The following ITGA7 variants were observed in gnomAD, a reference collection of about 807,000 sequenced individuals.
ITGA7 encodes integrin alpha-7.
In ITGA7, 84 loss-of-function variants were observed where a neutral mutation model predicts 131.6. The ratio of observed to expected loss-of-function variants is 0.64; its 90% CI spans 0.54 to 0.77. The LOEUF is 0.77. ITGA7 is among the 30% of genes least tolerant of loss of function. ITGA7 has a pLI of 0.00. For missense variants in ITGA7, 1,399 were observed against 1,482.9 expected, an observed-to-expected ratio of 0.94 and a Z score of 0.93; for synonymous variants, 548 against 600.7, an observed-to-expected ratio of 0.91 and a Z score of 1.28.
At chr12:55,700,729 A>AC (rs1873804574) in intron 4 of ITGA7, 170 bp downstream of exon 4, 2 of 854,606 alleles carry the variant, frequency 2.3e-6, no homozygotes, top group Admixed American at 2.5e-5. Flanking sequence ...GAAAGGAGGC[A>AC]CCCCCCATTC....
chr12:55,685,147 G>A lies in ITGA7; in HGVS notation c.3325C>T (p.Arg1109Trp), dbSNP rs117803261. The A allele has an allele frequency of 3.6e-5, 58 of 1,613,768 alleles. No individual in the cohort carries two copies. In the East Asian group the frequency reaches 8.2e-4, roughly 23 times the overall value. The change falls in exon 25 of 25, where the codon CGG becomes TGG. Residue 1109 changes from arginine (R) to tryptophan (W), a missense_variant. Arg to Trp is a moderately radical substitution (Grantham distance 101). Coordinates refer to ENST00000257879, the MANE Select transcript of ITGA7 (RefSeq NM_002206.3). ...ATGGGGTGTGCATCCGGGCCCTCCC[G>A]CCGGGGGCTGCCCCAGTTGTTCCTC... ...ILRNNWGSPR[R>W]EGPDAHPILA...
chr12:55,687,724 A>G (rs1025289313), intron 24 of ITGA7, among the ~76,000 whole-genome samples: 2 of 152,048 alleles, frequency 1.3e-5, no homozygotes, highest in African/African-American at 4.8e-5. Flanking sequence ...TCCTGACCTC[A>G]AGTGATCCAC....
intron 21 of ITGA7, among the ~76,000 whole-genome samples, chr12:55,689,330 T>G (rs1285507072): frequency 1.3e-5 from 2 of 152,176 alleles, no homozygotes; most frequent in African/African-American, 4.8e-5. Flanking sequence ...AGGAAGAAAC[T>G]GAGGAGGCCC....
intron 5 of ITGA7, 36 bp downstream of exon 5, chr12:55,699,834 A>G: frequency 6.3e-7 from 1 of 1,582,076 alleles, no homozygotes; most frequent in South Asian, 1.2e-5. Flanking sequence ...AGGCTGGGCC[A>G]TGCCCCTAGA....
Position 55,707,485 on chromosome 12 carries a change from G to A in ITGA7, c.198C>T (p.Pro66=). ...CGGGTGCGGTGACTCACCAGCTCTG[G>A]GGTCGGGGCTGCAACTGCCGGTGCA... ...VALHRQLQPR[P]QSWLLVGAPQ... is the part of the protein sequence containing the mutation. The change falls in exon 1 of 25, where the codon CCC becomes CCT. Residue 66 remains proline (P), a synonymous_variant. Transcript: ENST00000257879. The A allele has an allele frequency of 1.2e-6, 2 of 1,613,400 alleles. No homozygotes were observed. Among genetic ancestry groups the A allele is most frequent in the Non-Finnish European group, 1.7e-6 (2 of 1,179,676 alleles).
chr12:55,707,686 A>C lies in ITGA7; in HGVS notation c.-4T>G, dbSNP rs1195187898. The C allele has an allele frequency of 2.6e-6, 4 of 1,567,472 alleles. No homozygotes were observed. In the Admixed American group the frequency reaches 7.6e-5, roughly 30 times the overall value. ...CGCGGCTCCGAGCCCCGGCCATGGGACGATCCCTGCGCGAGCTCCCAGCGA... is the reference window on the plus strand; with the variant it reads ...CGCGGCTCCGAGCCCCGGCCATGGGCCGATCCCTGCGCGAGCTCCCAGCGA... On this transcript the variant is annotated 5_prime_UTR_variant, in exon 1 of 25. Transcript: ENST00000257879.
At position 55,696,295 on chromosome 12, in the gene ITGA7, G is replaced by A; in HGVS notation, c.1875C>T (p.Thr625=). ...AACCCATGCTCACCTCTGCCCGCTG[G>A]GTGCTGGGCTGGTGGGCATTGAGGA... ...APILNAHQPS[T]QRAEIHFLKQ... The change falls in exon 13 of 25, where the codon ACC becomes ACT. Residue 625 remains threonine (T), a synonymous_variant. Transcript: ENST00000257879. 6.3e-7 allele frequency: 1 copy of A among 1,575,966 alleles called. No individual in the cohort carries two copies. Among genetic ancestry groups the A allele is most frequent in the Non-Finnish European group, 8.6e-7 (1 of 1,160,184 alleles).
chr12:55,695,128 C>T lies in ITGA7; in HGVS notation c.2004-158G>A, dbSNP rs4143553. On this transcript the variant is annotated intron_variant, in intron 14 of 24. Coordinates refer to ENST00000257879, the MANE Select transcript of ITGA7 (RefSeq NM_002206.3). ...TCCAAGCCTCAGGCCTCTGTACACA[C>T]GACTGGGAGTCAGGGGACCTCCGTT... 378,674 of 697,126 alleles carry T rather than the reference C, an allele frequency of 0.54. 109,618 individuals carry two copies. Among genetic ancestry groups the T allele is most frequent in the East Asian group, 0.93 (34,509 of 36,946 alleles). 43.2% of individuals were successfully genotyped at this position (697,126 alleles called of 1,614,324 possible). A position where few individuals can be genotyped will look rare whatever the true frequency, so the allele number is the denominator to read the frequency against.
At chr12:55,701,394 T>A in intron 3 of ITGA7, 1 of 1,551,878 alleles carries the variant, frequency 6.4e-7, no homozygotes, top group East Asian at 2.4e-5. Context: ...TGCCCTCAAA[T>A]GGAGATCTCC....
At chr12:55,696,614 T>C (rs1289271755) in intron 12 of ITGA7, among the ~76,000 whole-genome samples, 182 bp from the exon 13 acceptor site, 1 of 152,110 alleles carries the variant, frequency 6.6e-6, no homozygotes, top group Non-Finnish European at 1.5e-5. Context: ...AGGGGAAACC[T>C]TTAGGGCTTT....
chr12:55,685,603 C>A (rs1483091310), intron 24 of ITGA7, among the ~76,000 whole-genome samples: 1 of 152,160 alleles, frequency 6.6e-6, no homozygotes, highest in Admixed American at 6.5e-5. Context: ...CCCCCTCTAG[C>A]TTCTTAAGAG....
chr12:55,687,846 G>A, intron 24 of ITGA7, 125 bp downstream of exon 24: 2 of 1,279,642 alleles, frequency 1.6e-6, no homozygotes, highest in South Asian at 1.2e-5. Flanking sequence ...GAGACATGCA[G>A]GGCAAGTGTT....
chr12:55,689,087 C>G, intron 21 of ITGA7, 130 bp from the exon 22 acceptor site: 7 of 693,096 alleles, frequency 1.0e-5, no homozygotes, highest in Non-Finnish European at 1.5e-5. Context: ...AATCTTATAT[C>G]CAAAATAGCT....
chr12:55,698,370 T>C lies in ITGA7; in HGVS notation c.1192+13A>G, dbSNP rs1873119069. ...CCCCTCCCTCCCTGAGCCTTTCCAG[T>C]TCCCCGTCACACCTGGAAAGCCATC... On this transcript the variant is annotated intron_variant, in intron 7 of 24. Transcript: ENST00000257879. 6.2e-7 allele frequency: 1 copy of C among 1,602,266 alleles called. No individual in the cohort carries two copies. The highest frequency in any genetic ancestry group is 1.3e-5 in the African/African-American group (1 of 74,304).
rs141365537 is a variant in ITGA7, at chr12:55,696,360, G to A, written c.1810C>T (p.Arg604Ter). The A allele has an allele frequency of 8.8e-6, 14 of 1,591,942 alleles. No individual in the cohort carries two copies. Among genetic ancestry groups the A allele is most frequent in the African/African-American group, 1.3e-5 (1 of 74,632 alleles). ...GGCAGCCCCTGGCCAGGAGCCTGTC[G>A]CCGGAGCCGAGGGGTCTGGAGACTG... is the stretch of plus-strand genomic sequence containing the variant. ...SYSLQTPRLR[R>*]QAPGQGLPPV... Residue 604 changes from arginine to a stop codon, truncating the protein, a stop_gained, in exon 13 of 25, where the codon CGA (arginine) becomes TGA (stop). Coordinates refer to ENST00000257879, the MANE Select transcript of ITGA7 (RefSeq NM_002206.3). LOFTEE classifies it high-confidence loss of function.
rs1269569892 is a variant in ITGA7, at chr12:55,701,137, A to G, written c.432T>C (p.Tyr144=). 4.3e-6 allele frequency: 7 copies of G among 1,614,208 alleles called. No homozygotes were observed. The Admixed American group carries it at 8.3e-5, about 19-fold the overall frequency. The change falls in exon 4 of 25, where the codon TAT becomes TAC. Residue 144 remains tyrosine (Y), a synonymous_variant. Transcript: ENST00000257879. ...TCTGGTCCACTCGCTGCCTTGCCTC[A>G]TATCGGTGTGCACAGGTCTGGGGGA... ...GGKIVTCAHR[Y]EARQRVDQIL... is the part of the protein sequence containing the mutation.
At chr12:55,696,504 A>T in intron 12 of ITGA7, 72 bp from the exon 13 acceptor site, 1 of 1,485,530 alleles carries the variant, frequency 6.7e-7, no homozygotes, top group South Asian at 1.2e-5. Flanking sequence ...CCCCAGCCAG[A>T]CCTAGGACCA....
At chr12:55,686,300 A>C (rs781009491) in intron 24 of ITGA7, 1 of 1,339,674 alleles carries the variant, frequency 7.5e-7, no homozygotes. Flanking sequence ...GGCTGCTCCG[A>C]TGGAAGAAGC....
At position 55,697,011 on chromosome 12, in the gene ITGA7, C is replaced by G; in HGVS notation, c.1625G>C (p.Arg542Pro). Residue 542 changes from arginine to proline, a missense_variant, in exon 12 of 25, where the codon CGT becomes CCT. Coordinates refer to ENST00000257879, the MANE Select transcript of ITGA7 (RefSeq NM_002206.3). The stretch of plus-strand genomic sequence containing the variant: ...CAGGTTACGGCTCAGGAACGTCACA[C>G]GGGGAACCTGGCCCCGGAGCCTCCG... ...TDRRLRGQVP[R>P]VTFLSRNLEE... 6.2e-7 allele frequency: 1 copy of G among 1,614,068 alleles called. No individual in the cohort carries two copies. The highest frequency in any genetic ancestry group is 1.7e-4 in the Middle Eastern group (1 of 6,006).
Sources: allele counts gnomAD v4.1 joint callset (sites outside exome capture counted in the v4.1 genomes callset), GRCh38; gene constraint gnomAD v4.1.1; transcripts MANE v1.5; gene names NCBI Gene and HGNC (gene_info 2026-07-23, HGNC 2026-07-21).